The following CFAP65 variants were observed in gnomAD, a reference collection of about 807,000 sequenced individuals.
CFAP65 encodes the protein cilia and flagella associated protein 65, also known as cilia- and flagella-associated protein 65.
Under a neutral mutation model 208.0 loss-of-function variants are expected in CFAP65, and 155 were observed. That is an observed-to-expected ratio of 0.75 (90% CI 0.65 to 0.85). The LOEUF (loss-of-function observed/expected upper bound fraction) is 0.85, where lower values mean the gene tolerates loss of function less well. Ranked by LOEUF, CFAP65 falls within the 40% of genes least tolerant of loss-of-function variation. CFAP65 has a pLI of 0.00. For synonymous variants in CFAP65, 970 were observed against 986.3 expected, an observed-to-expected ratio of 0.98 and a Z score of 0.31; for missense variants, 2,294 against 2,451.3, an observed-to-expected ratio of 0.94 and a Z score of 1.36.
At chr2:219,008,354 C>T (rs61089535) in intron 29 of CFAP65, among the ~76,000 whole-genome samples, 10,887 of 152,198 alleles carry the variant, frequency 0.072, 1,285 homozygotes, top group African/African-American at 0.25. Context: ...CATAGGTTGA[C>T]TGAGATCACA....
intron 5 of CFAP65, among the ~76,000 whole-genome samples, chr2:219,033,166 T>C (rs1414234005): frequency 6.6e-6 from 1 of 152,178 alleles, no homozygotes; most frequent in Non-Finnish European, 1.5e-5. Context: ...AGAAATGGAA[T>C]GAGTGGTCAA....
Position 219,026,142 on chromosome 2 carries a change from A to G in CFAP65, c.2229T>C (p.Ser743=). ...ACATGGTGCAGTCCTCCTCAATATTACTGTAGCTCTGCAGGACCTGCAGAG... is the reference window on the plus strand; with the variant it reads ...ACATGGTGCAGTCCTCCTCAATATTGCTGTAGCTCTGCAGGACCTGCAGAG... ...FAIYKVLQSY[S]NIEEDCTMCP... The change falls in exon 14 of 35, where the codon AGT becomes AGC. Residue 743 remains serine, a synonymous_variant. Coordinates refer to ENST00000341552, the MANE Select transcript of CFAP65 (RefSeq NM_194302.4). 3 of 1,612,482 alleles carry G rather than the reference A, an allele frequency of 1.9e-6. No homozygotes were observed. The African/African-American group carries it at 4.0e-5, about 22-fold the overall frequency.
rs774058316 is a variant in CFAP65 at position 219,024,170 on chromosome 2, G to A, written c.2440C>T (p.Pro814Ser). ...AGGATGACGTCTGAGCCTCTCTGGGGGGCCAGGCTGAAGGTCAGCAGCTTG... is the reference window on the plus strand; with the variant it reads ...AGGATGACGTCTGAGCCTCTCTGGGAGGCCAGGCTGAAGGTCAGCAGCTTG... ...DCKLLTFSLAPQRGSDVILRP... is the reference protein window; with the variant it reads ...DCKLLTFSLASQRGSDVILRP... The change falls in exon 15 of 35, where the codon CCC becomes TCC. Residue 814 changes from proline (P) to serine (S), a missense_variant. Pro to Ser is a moderately conservative substitution (Grantham distance 74). This residue lies in a region of CFAP65 where 1,427 missense variants were observed against 1,438.7 expected (regional missense o/e 0.99). Transcript: ENST00000341552. The A allele has an allele frequency of 4.3e-6, 7 of 1,613,920 alleles. No homozygotes were observed. The African/African-American group carries it at 6.7e-5, about 15-fold the overall frequency.
intron 1 of CFAP65, 198 bp downstream of exon 1, chr2:219,041,290 T>C: frequency 1.9e-6 from 1 of 529,290 alleles, no homozygotes; most frequent in South Asian, 3.1e-5. Flanking sequence ...CTTAGAGCTG[T>C]TTCTTCTTTC....
chr2:219,013,355 A>T lies in CFAP65; in HGVS notation c.3861T>A (p.Gly1287=). 1 of 1,612,996 alleles carries T rather than the reference A, an allele frequency of 6.2e-7. No homozygotes were observed. The highest frequency in any genetic ancestry group is 2.2e-5 in the East Asian group (1 of 44,870). ...ACTTCTGCTCCGGCTTCACTGTCAC[A>T]CCTATGAAATTTAGCTGGAAATAAA... The part of the protein sequence containing the change: ...HGREILLNFI[G]VTVKPEQKYV... Residue 1287 remains glycine (G), a synonymous_variant, in exon 24 of 35, where the codon GGT becomes GGA. Coordinates refer to ENST00000341552, the MANE Select transcript of CFAP65 (RefSeq NM_194302.4).
In CFAP65 at chr2:219,027,893, G is replaced by A. The variant is rs889158751; in HGVS notation, c.1968C>T (p.Val656=). 1.2e-5 allele frequency: 18 copies of A among 1,554,502 alleles called. No individual in the cohort carries two copies. The highest frequency in any genetic ancestry group is 2.3e-5 in the East Asian group (1 of 44,326). ...CTGGGCAGGCACCGAAGTCTACCTC[G>A]ACAGGCTCTACACTGATGGGCGGGG... The part of the protein sequence containing the change: ...IFPPPISVEP[V]EVDFGACPGP... Residue 656 remains valine (V), a synonymous_variant, in exon 13 of 35, where the codon GTC becomes GTT. Coordinates refer to ENST00000341552, the MANE Select transcript of CFAP65 (RefSeq NM_194302.4).
intron 13 of CFAP65, chr2:219,026,508 G>C (rs1260592434): frequency 4.3e-5 from 9 of 207,620 alleles, no homozygotes; most frequent in Non-Finnish European, 7.6e-5. Context: ...TGTCATTTTA[G>C]ATGTTCAGTA....
At chr2:219,038,830 C>T in intron 3 of CFAP65, 66 bp downstream of exon 3, 3 of 1,525,204 alleles carry the variant, frequency 2.0e-6, no homozygotes. Flanking sequence ...CCACTAGGCC[C>T]CTCCATGGCC....
chr2:219,021,461 T>C (rs1947258648), intron 18 of CFAP65, among the ~76,000 whole-genome samples, 181 bp from the exon 19 acceptor site: 1 of 152,144 alleles, frequency 6.6e-6, no homozygotes, highest in African/African-American at 2.4e-5. Flanking sequence ...TTTGTGTCAT[T>C]GGCACCTGCT....
rs202230993 is a variant in CFAP65, at chr2:219,009,418, T to G, written c.4495A>C (p.Thr1499Pro). 6.2e-7 allele frequency: 1 copy of G among 1,612,638 alleles called. No individual in the cohort carries two copies. Among genetic ancestry groups the G allele is most frequent in the Non-Finnish European group, 8.5e-7 (1 of 1,179,930 alleles). The stretch of plus-strand genomic sequence containing the variant: ...CTCAAGGTCACCACAAATGGGACCG[T>G]CTCTTCAGGAGCCACCACCCCTATC... Reference protein sequence around the residue: ...PMIGVVAPEETVPFVVTLRAS... With the variant: ...PMIGVVAPEEPVPFVVTLRAS... The change falls in exon 28 of 35, where the codon ACG becomes CCG. Residue 1499 changes from threonine (T) to proline (P), a missense_variant. Coordinates refer to ENST00000341552, the MANE Select transcript of CFAP65 (RefSeq NM_194302.4).
chr2:219,020,630 T>G (rs543032872), intron 19 of CFAP65, among the ~76,000 whole-genome samples: 29 of 152,168 alleles, frequency 1.9e-4, no homozygotes, highest in Admixed American at 3.3e-4. Context: ...TCTTCCCACC[T>G]CAGCTTCCCA....
In CFAP65 at chr2:219,024,143, G is replaced by T; in HGVS notation, c.2467C>A (p.Arg823=). The T allele has an allele frequency of 6.2e-7, 1 of 1,614,024 alleles. No homozygotes were observed. Among genetic ancestry groups the T allele is most frequent in the Non-Finnish European group, 8.5e-7 (1 of 1,180,028 alleles). The change falls in exon 15 of 35, where the codon CGG becomes AGG. Residue 823 remains arginine, a synonymous_variant. Coordinates refer to ENST00000341552, the MANE Select transcript of CFAP65 (RefSeq NM_194302.4). ...GGTGCCACAAGGCCCGAAGTGGGCC[G>T]AAGGATGACGTCTGAGCCTCTCTGG... The part of the protein sequence containing the change: ...APQRGSDVIL[R]PTSGLVAPGA...
In CFAP65 at chr2:219,010,806, G is replaced by A. The variant is rs375883960; in HGVS notation, c.4148C>T (p.Thr1383Met). The change falls in exon 25 of 35, where the codon ACG becomes ATG. Residue 1383 changes from threonine to methionine, a missense_variant and splice_region_variant. Coordinates refer to ENST00000341552, the MANE Select transcript of CFAP65 (RefSeq NM_194302.4). ...CACGTCATCCAGGTTGCTGCTCACC[G>A]TGTAGGTCTTGGCCTCGATAGGTGA... ...IFSPIEAKTY[T>M]VDVPIHILGW... 63 of 1,605,094 alleles carry A rather than the reference G, an allele frequency of 3.9e-5. No individual in the cohort carries two copies. Among genetic ancestry groups the A allele is most frequent in the Admixed American group, 1.0e-4 (6 of 59,762 alleles).
At chr2:219,023,046 G>A (rs576580726) in intron 16 of CFAP65, among the ~76,000 whole-genome samples, 161 bp downstream of exon 16, 5 of 152,322 alleles carry the variant, frequency 3.3e-5, no homozygotes, top group South Asian at 4.1e-4. Context: ...TAAAATGGTG[G>A]GGGGATGGTG....
chr2:219,027,546 G>A (rs1428745039), intron 13 of CFAP65, 104 bp downstream of exon 13: 5 of 1,612,858 alleles, frequency 3.1e-6, no homozygotes, highest in Non-Finnish European at 4.2e-6. Flanking sequence ...GGCACGCAGA[G>A]GATGGAGCCT....
rs915663151 is a variant in CFAP65, at chr2:219,030,509, A to G, written c.1161+180T>C. Among the ~76,000 whole-genome samples, 5 of 152,230 alleles carry G rather than the reference A, an allele frequency of 3.3e-5. No individual in the cohort carries two copies. The South Asian group carries it at 6.2e-4, about 19-fold the overall frequency. On this transcript the variant is annotated intron_variant, in intron 9 of 34. Transcript: ENST00000341552. Reference sequence around the variant, plus strand: ...GCTCGTGGCTCTGGGGAGCCAGGGTATACCCCAGCCCAGCCCCCAGCTGAG... The same window carrying G: ...GCTCGTGGCTCTGGGGAGCCAGGGTGTACCCCAGCCCAGCCCCCAGCTGAG...
intron 21 of CFAP65, chr2:219,018,839 G>C (rs1947077607): frequency 1.6e-6 from 1 of 641,110 alleles, no homozygotes; most frequent in Admixed American, 2.8e-5. Context: ...CACCGCTTCT[G>C]AGCCTATCAC....
At chr2:219,006,262 C>A in intron 30 of CFAP65, 39 bp from the exon 31 acceptor site, 1 of 1,575,142 alleles carries the variant, frequency 6.3e-7, no homozygotes, top group South Asian at 1.2e-5. Flanking sequence ...AGGGTTTGGG[C>A]ACCACATTCA....
rs925972026 is a variant in CFAP65 at position 219,031,877 on chromosome 2, G to A, written c.646-219C>T. Among the ~76,000 whole-genome samples, 3 of 152,092 alleles carry A rather than the reference G, an allele frequency of 2.0e-5. No homozygotes were observed. Among genetic ancestry groups the A allele is most frequent in the South Asian group, 4.2e-4 (2 of 4,818 alleles). ...AGTATTTTGAGGAAATGTGGGTGGG[G>A]AGTGGCAGGAAGAGGCCAAGGAATG... On this transcript the variant is annotated intron_variant, in intron 6 of 34. Transcript: ENST00000341552. This position sits in a 1 kb window ranked among gnomAD's most constrained non-coding sequence, Gnocchi z 5.2.
Sources: allele counts gnomAD v4.1 joint callset (sites outside exome capture counted in the v4.1 genomes callset), GRCh38; gene constraint gnomAD v4.1.1; regional missense constraint gnomAD v4.1.1; non-coding constraint Gnocchi (gnomAD v3.1); transcripts MANE v1.5; gene names NCBI Gene and HGNC (gene_info 2026-07-23, HGNC 2026-07-21).